TANC2: variants seen among roughly 807,000 people sequenced by gnomAD.
TANC2 encodes protein TANC2.
A neutral mutation model predicts 210.5 loss-of-function variants in TANC2; 26 were observed. The observed-to-expected ratio is 0.12, with a 90% CI of 0.09 to 0.17. The LOEUF is 0.17. Ranked by LOEUF, TANC2 falls within the 10% of genes least tolerant of loss-of-function variation. The pLI, the probability that TANC2 is intolerant of heterozygous loss-of-function variation, is 1.00. For missense variants in TANC2, 2,129 were observed against 2,608.9 expected (o/e 0.82, Z 4.01); for synonymous variants, 931 against 967.1 (o/e 0.96, Z 0.69).
intron 1 of TANC2, among the ~76,000 whole-genome samples, chr17:62,977,142 GC>G (rs1317755440): frequency 2.0e-5 from 3 of 152,158 alleles, no homozygotes; most frequent in Non-Finnish European, 4.4e-5. Flanking sequence ...TTTCTTTGCA[GC>G]CCCAGGGAAC....
chr17:63,263,179 G>A (rs1047732967), intron 8 of TANC2, among the ~76,000 whole-genome samples: 4 of 152,080 alleles, frequency 2.6e-5, no homozygotes, highest in African/African-American at 4.8e-5. Context: ...GAACATTAAC[G>A]TTATTAAATG....
intron 5 of TANC2, among the ~76,000 whole-genome samples, chr17:63,176,677 G>A (rs975191010): frequency 6.6e-6 from 1 of 151,862 alleles, no homozygotes; most frequent in Non-Finnish European, 1.5e-5. Flanking sequence ...GTGGTGGCGG[G>A]CACCTGTAGT....
intron 1 of TANC2, among the ~76,000 whole-genome samples, chr17:62,996,047 G>A (rs1367749503): frequency 2.0e-5 from 3 of 152,118 alleles, no homozygotes; most frequent in Non-Finnish European, 1.5e-5. Flanking sequence ...CTTTCACAGA[G>A]GAAAAAACAT....
chr17:63,143,625 A>G (rs2039366319), intron 4 of TANC2, among the ~76,000 whole-genome samples: 1 of 152,196 alleles, frequency 6.6e-6, no homozygotes, highest in African/African-American at 2.4e-5. Context: ...ACCTGCAGGT[A>G]AATATGCTAG....
chr17:63,060,052 T>C (rs776574675), intron 2 of TANC2, among the ~76,000 whole-genome samples: 21 of 152,348 alleles, frequency 1.4e-4, no homozygotes, highest in Middle Eastern at 3.4e-3. Context: ...GAATTTTTAC[T>C]GTACTTCTGT....
chr17:63,220,054 G>A (rs990351176), intron 7 of TANC2, among the ~76,000 whole-genome samples: 1 of 152,044 alleles, frequency 6.6e-6, no homozygotes, highest in African/African-American at 2.4e-5. Context: ...CAACACTGTG[G>A]GAGGTCGAGG....
Position 63,421,429 on chromosome 17 carries a change from A to G in TANC2, c.5699A>G (p.Tyr1900Cys), listed in dbSNP as rs757992885. 3.7e-6 allele frequency: 6 copies of G among 1,614,008 alleles called. No individual in the cohort carries two copies. Among genetic ancestry groups the G allele is most frequent in the Non-Finnish European group, 3.4e-6 (4 of 1,179,896 alleles). Residue 1900 changes from tyrosine to cysteine, a missense_variant, in exon 28 of 28, where the codon TAT (tyrosine) becomes TGT (cysteine). Tyr to Cys is a radical substitution (Grantham distance 194, BLOSUM62 -2). This residue lies in a region of TANC2 where 584 missense variants were observed against 627.3 expected (regional missense o/e 0.93). Transcript: ENST00000689528. This position sits in a 1 kb window ranked among gnomAD's most constrained non-coding sequence, Gnocchi z 6.9. ...ATGGAGATCCCACTGAAACCTGCATATGAGAGGTCATGTGACGAGCTGTCG... is the reference window on the plus strand; with the variant it reads ...ATGGAGATCCCACTGAAACCTGCATGTGAGAGGTCATGTGACGAGCTGTCG...
rs1598951470 is a variant in TANC2 at position 63,365,743 on chromosome 17, C to T, written c.2582+10353C>T. On this transcript the variant is annotated intron_variant, in intron 14 of 27. Transcript: ENST00000689528. ...GTTCCCTCCATCTGGAGCTCACTTTCCCAGGCATCTCATCACATAGAAAGA... is the reference window on the plus strand; with the variant it reads ...GTTCCCTCCATCTGGAGCTCACTTTTCCAGGCATCTCATCACATAGAAAGA... Among the ~76,000 whole-genome samples, 3 of 152,176 alleles carry T rather than the reference C, an allele frequency of 2.0e-5. No individual in the cohort carries two copies. In the South Asian group the frequency reaches 6.2e-4, roughly 32 times the overall value.
At chr17:63,136,335 A>G (rs2039087788) in intron 4 of TANC2, among the ~76,000 whole-genome samples, 1 of 152,192 alleles carries the variant, frequency 6.6e-6, no homozygotes, top group African/African-American at 2.4e-5. Context: ...ATGTGGCACA[A>G]CATAATTGCA....
At chr17:63,399,044 T>G (rs545960035) in intron 19 of TANC2, 130 bp downstream of exon 19, 35 of 565,846 alleles carry the variant, frequency 6.2e-5, no homozygotes, top group African/African-American at 5.4e-4. Context: ...GCAGACTGAT[T>G]CAGCCAAACT....
At chr17:63,024,081 A>G (rs1459921751) in intron 2 of TANC2, among the ~76,000 whole-genome samples, 1 of 152,200 alleles carries the variant, frequency 6.6e-6, no homozygotes, top group Non-Finnish European at 1.5e-5. Flanking sequence ...CTTCTTTATC[A>G]TATAAATTAT....
At chr17:63,380,404 CAT>C (rs2047568499) in intron 15 of TANC2, among the ~76,000 whole-genome samples, 1 of 152,226 alleles carries the variant, frequency 6.6e-6, no homozygotes, top group African/African-American at 2.4e-5. Flanking sequence ...AAAGAGGACA[CAT>C]AATTTGTTTG....
At chr17:63,101,261 A>C (rs1330484354) in intron 4 of TANC2, among the ~76,000 whole-genome samples, 1 of 152,206 alleles carries the variant, frequency 6.6e-6, no homozygotes, top group East Asian at 1.9e-4. Flanking sequence ...GAATGGAAAA[A>C]AATTAGCCGA....
At chr17:63,355,186 C>T in exon 14 of TANC2, 1 of 1,613,840 alleles carries the variant, frequency 6.2e-7, no homozygotes. Context: ...CACCCACTGA[C>T]TGATGAGCAT....
intron 9 of TANC2, among the ~76,000 whole-genome samples, chr17:63,287,956 C>T (rs537396794): frequency 3.3e-5 from 5 of 152,270 alleles, no homozygotes; most frequent in African/African-American, 1.2e-4. Context: ...GGATTACAGG[C>T]GTGAGCCACT....
intron 5 of TANC2, among the ~76,000 whole-genome samples, chr17:63,185,215 C>T (rs1053744578): frequency 6.6e-6 from 1 of 151,934 alleles, no homozygotes; most frequent in Non-Finnish European, 1.5e-5. Flanking sequence ...CACCCAGGCT[C>T]GAATAGCTGG....
chr17:63,158,664 A>G (rs1472124497), intron 5 of TANC2, among the ~76,000 whole-genome samples: 1 of 152,196 alleles, frequency 6.6e-6, no homozygotes, highest in Non-Finnish European at 1.5e-5. Context: ...AATTCTGTTT[A>G]TTGAGTGTTC....
chr17:63,291,484 G>A (rs185644531), intron 9 of TANC2, among the ~76,000 whole-genome samples: 1 of 152,290 alleles, frequency 6.6e-6, no homozygotes, highest in Admixed American at 6.5e-5. Context: ...CATACCCTCT[G>A]ACAAGAACTG....
intron 4 of TANC2, among the ~76,000 whole-genome samples, chr17:63,102,170 A>T (rs2037647894): frequency 6.6e-6 from 1 of 152,070 alleles, no homozygotes; most frequent in Non-Finnish European, 1.5e-5. Context: ...GCTGGGTGTC[A>T]TGGCATGCCA....
Sources: gnomAD v4.1 joint callset for allele counts (sites outside exome capture counted in the v4.1 genomes callset) on GRCh38, gnomAD v4.1.1 for gene constraint, gnomAD v4.1.1 regional missense constraint, Gnocchi (gnomAD v3.1) non-coding constraint, MANE v1.5 for transcripts, NCBI Gene and HGNC (gene_info 2026-07-23, HGNC 2026-07-21) for gene names.